Variants in GPC5 observed in about 807,000 individuals in gnomAD.
GPC5 encodes glypican-5.
In GPC5, 47 loss-of-function variants were observed where a neutral mutation model predicts 53.9. The ratio of observed to expected loss-of-function variants is 0.87; its 90% confidence interval spans 0.69 to 1.11. GPC5 has a LOEUF of 1.11. Among genes scored for constraint, GPC5 ranks in the 50% most tolerant of loss-of-function variants. The probability of loss-of-function intolerance (pLI) is 0.00; values close to 1 mark genes in which losing one functional copy is unlikely to be tolerated. For missense variants in GPC5, 748 were observed against 713.1 expected (o/e 1.05, Z -0.56); for synonymous variants, 286 against 263.3 (o/e 1.09, Z -0.84).
intron 6 of GPC5, among the ~76,000 whole-genome samples, chr13:92,096,961 T>C (rs960595008): frequency 3.7e-4 from 57 of 152,120 alleles, no homozygotes; most frequent in African/African-American, 1.4e-3. Flanking sequence ...TGTAGAAACA[T>C]GGATATGTAT....
intron 6 of GPC5, among the ~76,000 whole-genome samples, chr13:92,022,146 C>T (rs541644050): frequency 3.3e-5 from 5 of 152,068 alleles, no homozygotes; most frequent in Admixed American, 1.3e-4. Context: ...TTTATAGGCA[C>T]GTGCTACCAC....
rs530956836 is a variant in GPC5, at chr13:92,302,474, T to TA, written c.1561+157493dup. On this transcript the variant is annotated intron_variant, in intron 7 of 7. Transcript: ENST00000377067. ...AGGAAAGAATGTAGCAGACCGAGAATAAAAAAAATTGCTTTTTAAACTGGG... is the reference window on the plus strand; with the variant it reads ...AGGAAAGAATGTAGCAGACCGAGAATAAAAAAAAATTGCTTTTTAAACTGGG... Among the ~76,000 whole-genome samples, 40 of 152,212 alleles carry TA rather than the reference T, an allele frequency of 2.6e-4. No homozygotes were observed. In the East Asian group the frequency reaches 7.1e-3, roughly 27 times the overall value.
chr13:91,566,308 G>GT (rs1304190116), intron 2 of GPC5, among the ~76,000 whole-genome samples: 1 of 152,158 alleles, frequency 6.6e-6, no homozygotes, highest in Non-Finnish European at 1.5e-5. Context: ...GCTTATGTCT[G>GT]TAATCCCAGC....
rs893997204 is a variant in GPC5 at position 91,468,837 on chromosome 13, T to C, written c.325+19915T>C. Among the ~76,000 whole-genome samples, 16 of 151,746 alleles carry C rather than the reference T, an allele frequency of 1.1e-4. No homozygotes were observed. In the South Asian group the frequency reaches 2.1e-3, roughly 20 times the overall value. On this transcript the variant is annotated intron_variant, in intron 2 of 7. Coordinates refer to ENST00000377067, the MANE Select transcript of GPC5 (RefSeq NM_004466.6). ...ATTTAGCCAATAAAATCTTTACTAT[T>C]CAATATTTAAGTTTTCTTCGTAGCT... is the stretch of plus-strand genomic sequence containing the variant.
intron 2 of GPC5, among the ~76,000 whole-genome samples, chr13:91,646,585 T>C (rs2139522851): frequency 6.6e-6 from 1 of 152,260 alleles, no homozygotes; most frequent in East Asian, 1.9e-4. Context: ...ACATAATGGT[T>C]TAATGGCTTT....
At chr13:91,854,540 C>A (rs934053218) in intron 5 of GPC5, among the ~76,000 whole-genome samples, 7 of 151,682 alleles carry the variant, frequency 4.6e-5, no homozygotes, top group African/African-American at 1.7e-4. Context: ...CTCCCCTCTT[C>A]CCCCTCCCCA....
intron 3 of GPC5, among the ~76,000 whole-genome samples, chr13:91,717,421 G>A (rs971414706): frequency 2.0e-5 from 3 of 152,194 alleles, no homozygotes; most frequent in Non-Finnish European, 4.4e-5. Flanking sequence ...GAGTGTTGGA[G>A]AGAAAGTCGG....
intron 7 of GPC5, among the ~76,000 whole-genome samples, chr13:92,346,442 C>T (rs576849298): frequency 2.0e-5 from 3 of 152,320 alleles, no homozygotes; most frequent in South Asian, 4.1e-4. Context: ...CCCCACCTGA[C>T]ATTACAGCAA....
intron 6 of GPC5, among the ~76,000 whole-genome samples, chr13:92,068,585 A>G (rs1385505819): frequency 6.6e-6 from 1 of 151,498 alleles, no homozygotes; most frequent in East Asian, 1.9e-4. Context: ...ATATTTCCTT[A>G]TTAATTATAA....
At chr13:92,429,286 C>A (rs1033551764) in intron 7 of GPC5, among the ~76,000 whole-genome samples, 1 of 151,756 alleles carries the variant, frequency 6.6e-6, no homozygotes, top group African/African-American at 2.4e-5. Flanking sequence ...AAGTTCCTCC[C>A]CAAGTAACCA....
chr13:92,815,283 G>A (rs1877429470), intron 7 of GPC5, among the ~76,000 whole-genome samples: 1 of 152,028 alleles, frequency 6.6e-6, no homozygotes, highest in African/African-American at 2.4e-5. Context: ...TCCATGAAGA[G>A]AGGATATTTT....
At chr13:91,963,716 C>T (rs2040148890) in intron 6 of GPC5, among the ~76,000 whole-genome samples, 1 of 151,988 alleles carries the variant, frequency 6.6e-6, no homozygotes, top group Admixed American at 6.6e-5. Flanking sequence ...GAAGTAATGG[C>T]AGTGGGGGTA....
At chr13:92,178,958 G>A (rs761717591) in intron 7 of GPC5, among the ~76,000 whole-genome samples, 7 of 152,026 alleles carry the variant, frequency 4.6e-5, no homozygotes, top group African/African-American at 1.2e-4. Flanking sequence ...GTGACAGAGC[G>A]GGACCCTGTC....
intron 5 of GPC5, among the ~76,000 whole-genome samples, chr13:91,896,497 C>T (rs1161491906): frequency 2.0e-5 from 3 of 152,008 alleles, no homozygotes; most frequent in Non-Finnish European, 4.4e-5. Flanking sequence ...GGAAAGGTTC[C>T]GAAGGGATAG....
intron 2 of GPC5, among the ~76,000 whole-genome samples, chr13:91,511,503 A>G (rs778096135): frequency 6.6e-6 from 1 of 151,964 alleles, no homozygotes; most frequent in African/African-American, 2.4e-5. Context: ...CTGTTTAACA[A>G]TGTCTCACAA....
At chr13:91,983,573 CT>C (rs1214095170) in intron 6 of GPC5, among the ~76,000 whole-genome samples, 1 of 152,166 alleles carries the variant, frequency 6.6e-6, no homozygotes, top group African/African-American at 2.4e-5. Context: ...CTCTCCAGGT[CT>C]ACCCCACTAT....
chr13:91,596,876 A>G (rs1401738075), intron 2 of GPC5, among the ~76,000 whole-genome samples: 3 of 152,164 alleles, frequency 2.0e-5, no homozygotes, highest in Non-Finnish European at 4.4e-5. Context: ...TAGTAGCCTT[A>G]CATGAATAGA....
At chr13:91,825,887 G>C (rs1050910718) in intron 5 of GPC5, among the ~76,000 whole-genome samples, 33 of 152,096 alleles carry the variant, frequency 2.2e-4, no homozygotes, top group African/African-American at 7.2e-4. Context: ...CCAAATCTTT[G>C]GCTTACTCCT....
chr13:91,975,425 A>G (rs1340419712), intron 6 of GPC5, among the ~76,000 whole-genome samples: 2 of 152,120 alleles, frequency 1.3e-5, no homozygotes, highest in African/African-American at 4.8e-5. Flanking sequence ...AATTTACAAG[A>G]AAAAAACAAA....
Sources: allele counts gnomAD v4.1 joint callset (sites outside exome capture counted in the v4.1 genomes callset), GRCh38; gene constraint gnomAD v4.1.1; transcripts MANE v1.5; gene names NCBI Gene and HGNC (gene_info 2026-07-23, HGNC 2026-07-21).